DHX33: variants seen among roughly 807,000 people sequenced by gnomAD.
The protein encoded by DHX33 is ATP-dependent RNA helicase DHX33.
DHX33 carries 42 observed loss-of-function variants against 72.5 expected under a neutral mutation model. The observed-to-expected ratio is 0.58, with a 90% CI of 0.45 to 0.75. The LOEUF is 0.75. Ranked by LOEUF, DHX33 falls within the 30% of genes least tolerant of loss-of-function variation. The pLI is 0.00. For missense variants in DHX33, 842 were observed against 917.5 expected (o/e 0.92, Z 1.06); for synonymous variants, 358 against 366.1 (o/e 0.98, Z 0.25).
chr17:5,462,421 A>AATGACACAGCTGTATTTCCGAAGC lies in DHX33; in HGVS notation c.552_575dup (p.Val191_Ile192insMetLeuArgLysTyrSerCysVal). ...TAGTCCGTTCGTGAGCTTCATCCAA[A>AATGACACAGCTGTATTTCCGAAGC]ATGACACAGCTGTATTTCCGAAGCA... On this transcript the variant is annotated inframe_insertion, in exon 3 of 12. Coordinates refer to ENST00000225296, the MANE Select transcript of DHX33 (RefSeq NM_020162.4). 1 of 1,614,164 alleles carries AATGACACAGCTGTATTTCCGAAGC rather than the reference A, an allele frequency of 6.2e-7. No homozygotes were observed. The highest frequency in any genetic ancestry group is 8.5e-7 in the Non-Finnish European group (1 of 1,180,012).
At chr17:5,462,263 A>ACGCATACTTTCAGGGGAAGTTTCC in intron 3 of DHX33, 56 bp downstream of exon 3, 2 of 1,530,174 alleles carry the variant, frequency 1.3e-6, no homozygotes, top group East Asian at 4.5e-5. Context: ...TCTGTGTGTT[A>ACGCATACTTTCAGGGGAAGTTTCC]CGCATACTTT....
chr17:5,444,179 T>A lies in DHX33; in HGVS notation c.*26A>T. ...TGTAGTCCAAGCTCCCAGGGACCAG[T>A]GATTCTGGCGGCATCCTGGGGCGGC... On this transcript the variant is annotated 3_prime_UTR_variant, in exon 12 of 12. Transcript: ENST00000225296. This position sits in a 1 kb window ranked among gnomAD's most constrained non-coding sequence, Gnocchi z 4.9. The A allele has an allele frequency of 1.2e-6, 2 of 1,600,196 alleles. No homozygotes were observed. The highest frequency in any genetic ancestry group is 1.7e-6 in the Non-Finnish European group (2 of 1,171,262).
chr17:5,461,047 G>A lies in DHX33; in HGVS notation c.741C>T (p.Pro247=), dbSNP rs34666901. The A allele has an allele frequency of 1.2e-5, 19 of 1,612,770 alleles. No individual in the cohort carries two copies. In the East Asian group the frequency reaches 1.8e-4, roughly 15 times the overall value. Residue 247 remains proline (P), a synonymous_variant, in exon 4 of 12, where the codon CCC becomes CCT. Transcript: ENST00000225296. ...DLFSQYFNGA[P]VLYLEGRQHP... ...GCTGCCGACCCTCTAGGTAGAGGAC[G>A]GGGGCGCCATTGAAATACTGAGAGA...
Position 5,453,848 on chromosome 17 carries a change from T to A in DHX33, c.1280A>T (p.Asp427Val), listed in dbSNP as rs764751219. Residue 427 changes from aspartate (D) to valine (V), a missense_variant, in exon 7 of 12, where the codon GAT (aspartate) becomes GTT (valine). Coordinates refer to ENST00000225296, the MANE Select transcript of DHX33 (RefSeq NM_020162.4). ...LYTEDEFEKF[D>V]KMTVPEIQRC... ...CTGGATCTCTGGCACGGTCATCTTA[T>A]CAAACTTCTCAAACTCGTCCTCCGT... 3.7e-5 allele frequency: 59 copies of A among 1,614,012 alleles called. No individual in the cohort carries two copies. The highest frequency in any genetic ancestry group is 4.7e-5 in the Non-Finnish European group (55 of 1,180,018).
chr17:5,460,415 C>G (rs114075128), intron 4 of DHX33, among the ~76,000 whole-genome samples: 401 of 152,138 alleles, frequency 2.6e-3, no homozygotes, highest in African/African-American at 9.3e-3. Flanking sequence ...CTGGTCAGAA[C>G]TGAATTATTT....
chr17:5,459,645 T>C (rs1904487930), intron 4 of DHX33, among the ~76,000 whole-genome samples: 1 of 152,034 alleles, frequency 6.6e-6, no homozygotes, highest in Non-Finnish European at 1.5e-5. Context: ...CCCGGGCTGG[T>C]CTCAAACTCC....
intron 3 of DHX33, among the ~76,000 whole-genome samples, chr17:5,461,520 G>A (rs778673405): frequency 6.6e-6 from 1 of 151,542 alleles, no homozygotes; most frequent in Non-Finnish European, 1.5e-5. Flanking sequence ...TTGGGAGGCT[G>A]AGGTAAGCAA....
chr17:5,458,598 A>G (rs914439418), intron 4 of DHX33, among the ~76,000 whole-genome samples: 2 of 152,052 alleles, frequency 1.3e-5, no homozygotes, highest in Non-Finnish European at 2.9e-5. Flanking sequence ...AAAAACCTAA[A>G]CAAAAACATG....
intron 11 of DHX33, 152 bp downstream of exon 11, chr17:5,448,657 T>G (rs1422110878): frequency 1.9e-5 from 9 of 476,956 alleles, no homozygotes; most frequent in Non-Finnish European, 3.3e-5. Flanking sequence ...TACTGAATTG[T>G]GGAATTGTGG....
chr17:5,452,283 T>A (rs1009981232), intron 8 of DHX33, among the ~76,000 whole-genome samples: 3 of 152,362 alleles, frequency 2.0e-5, no homozygotes, highest in South Asian at 4.1e-4. Flanking sequence ...CTCACGCCTG[T>A]AATCCCAGCA....
rs553926944 is a variant in DHX33, at chr17:5,441,480, A to G, written c.*2725T>C. On this transcript the variant is annotated 3_prime_UTR_variant, in exon 12 of 12. Transcript: ENST00000225296. ...TTTCGTAGGTTGGCAAAGAGTTATC[A>G]CACCATCAGAGATTTTACCAATGGA... The G allele has an allele frequency of 6.6e-6, 1 of 152,062 alleles. No homozygotes were observed. Among genetic ancestry groups the G allele is most frequent in the South Asian group, 2.1e-4 (1 of 4,818 alleles). 9.4% of individuals were successfully genotyped at this position (152,062 alleles called of 1,614,324 possible).
Position 5,468,552 on chromosome 17 carries a change from C to T in DHX33, c.289+19G>A. 1 of 1,601,064 alleles carries T rather than the reference C, an allele frequency of 6.2e-7. No individual in the cohort carries two copies. The highest frequency in any genetic ancestry group is 2.2e-5 in the East Asian group (1 of 44,578). On this transcript the variant is annotated intron_variant, in intron 1 of 11. Transcript: ENST00000225296. Reference sequence around the variant, plus strand: ...CACGGACGAAGTGCAAGGAAGAGCCCGCCGGCGCGGCCACTCACCGATGAG... The same window carrying T: ...CACGGACGAAGTGCAAGGAAGAGCCTGCCGGCGCGGCCACTCACCGATGAG...
chr17:5,462,254 C>T, intron 3 of DHX33, 65 bp downstream of exon 3: 1 of 1,494,252 alleles, frequency 6.7e-7, no homozygotes, highest in Non-Finnish European at 9.2e-7. Flanking sequence ...CTGTTTCCTT[C>T]TGTGTGTTAC....
intron 4 of DHX33, among the ~76,000 whole-genome samples, chr17:5,458,481 T>A (rs1321142274): frequency 6.6e-6 from 1 of 152,046 alleles, no homozygotes; most frequent in East Asian, 1.9e-4. Context: ...GACACAGGTG[T>A]GCAAGCATGT....
chr17:5,453,719 T>C (rs1174812916), intron 7 of DHX33, 51 bp from the exon 8 acceptor site: 3 of 1,611,940 alleles, frequency 1.9e-6, no homozygotes, highest in Non-Finnish European at 2.5e-6. Flanking sequence ...TGCCATTGAG[T>C]CAGAACCCCT....
chr17:5,449,902 C>G (rs1916817515), intron 10 of DHX33, among the ~76,000 whole-genome samples: 2 of 152,192 alleles, frequency 1.3e-5, no homozygotes, highest in South Asian at 4.1e-4. Flanking sequence ...AGTAAGTACT[C>G]ATTCATTGGT....
Position 5,443,565 on chromosome 17 carries a change from C to T in DHX33, c.*640G>A, listed in dbSNP as rs1165490727. On this transcript the variant is annotated 3_prime_UTR_variant, in exon 12 of 12. Transcript: ENST00000225296. ...TGGTCCACCCTGAGACACAAGCGTT[C>T]AGTAGGGATCGCCATCCCAGGAGGT... The T allele has an allele frequency of 6.6e-6, 1 of 152,458 alleles. No homozygotes were observed. The highest frequency in any genetic ancestry group is 1.5e-5 in the Non-Finnish European group (1 of 68,320). The allele number at this position is 152,458 out of a possible 1,614,324, so 9.4% of individuals were successfully genotyped here. A position where few individuals can be genotyped will look rare whatever the true frequency, so the allele number is the denominator to read the frequency against.
At chr17:5,450,529 C>G (rs1208122991) in intron 9 of DHX33, 123 bp from the exon 10 acceptor site, 1 of 1,086,010 alleles carries the variant, frequency 9.2e-7, no homozygotes, top group African/African-American at 1.6e-5. Flanking sequence ...TTTCTAAAAC[C>G]ATGGCGATGT....
Position 5,463,674 on chromosome 17 carries a change from C to T in DHX33, c.305G>A (p.Gly102Glu), listed in dbSNP as rs1904744341. 1 of 1,608,650 alleles carries T rather than the reference C, an allele frequency of 6.2e-7. No individual in the cohort carries two copies. Among genetic ancestry groups the T allele is most frequent in the African/African-American group, 1.3e-5 (1 of 74,170 alleles). Residue 102 changes from glycine (G) to glutamate (E), a missense_variant, in exon 2 of 12, where the codon GGG becomes GAG. Gly to Glu is a moderately conservative substitution (Grantham distance 98, BLOSUM62 -2). Coordinates refer to ENST00000225296, the MANE Select transcript of DHX33 (RefSeq NM_020162.4). ...NAVLIGETGS[G>E]KTTQIPQYLY... The stretch of plus-strand genomic sequence containing the variant: ...GTACTGAGGGATCTGAGTTGTCTTC[C>T]CAGAGCCAGTTTCCCCTAGGAGAGA...
Sources: allele counts gnomAD v4.1 joint callset (sites outside exome capture counted in the v4.1 genomes callset), GRCh38; gene constraint gnomAD v4.1.1; non-coding constraint Gnocchi (gnomAD v3.1); transcripts MANE v1.5; gene names NCBI Gene and HGNC (gene_info 2026-07-23, HGNC 2026-07-21).